The following RBM17 variants were observed in gnomAD, a reference collection of about 807,000 sequenced individuals.
RBM17 encodes RNA binding motif protein 17.
A neutral mutation model predicts 53.2 loss-of-function variants in RBM17; 7 were observed. The observed-to-expected ratio is 0.13, with a 90% CI of 0.07 to 0.25. The LOEUF is 0.25. Among genes scored for constraint, RBM17 ranks in the 10% least tolerant of loss-of-function variants. RBM17 has a pLI of 1.00. For missense variants in RBM17, 257 were observed against 496.7 expected (o/e 0.52, Z 4.59); for synonymous variants, 167 against 178.1 (o/e 0.94, Z 0.50).
At chr10:6,105,229 A>T (rs1840730869) in intron 4 of RBM17, 132 bp downstream of exon 4, 1 of 780,222 alleles carries the variant, frequency 1.3e-6, no homozygotes. Flanking sequence ...ACTACAAGGA[A>T]TCAAACTGTT....
In RBM17 at chr10:6,112,270, G is replaced by A; in HGVS notation, c.765G>A (p.Gly255=). The change falls in exon 8 of 12, where the codon GGG becomes GGA. Residue 255 remains glycine, a synonymous_variant. Coordinates refer to ENST00000379888, the MANE Select transcript of RBM17 (RefSeq NM_032905.5). This position sits in a 1 kb window ranked among gnomAD's most constrained non-coding sequence, Gnocchi z 4.4. ...KYGFREGQGL[G]KHEQGLSTAL... Reference sequence around the variant, plus strand: ...GCTTCCGGGAGGGCCAGGGTCTGGGGAAGCATGAGCAGGGCCTGAGCACTG... The same window carrying A: ...GCTTCCGGGAGGGCCAGGGTCTGGGAAAGCATGAGCAGGGCCTGAGCACTG... 1 of 1,613,904 alleles carries A rather than the reference G, an allele frequency of 6.2e-7. No homozygotes were observed. Among genetic ancestry groups the A allele is most frequent in the Non-Finnish European group, 8.5e-7 (1 of 1,180,022 alleles).
At chr10:6,098,586 T>C (rs1840619641) in intron 2 of RBM17, among the ~76,000 whole-genome samples, 1 of 104,956 alleles carries the variant, frequency 9.5e-6, no homozygotes, top group Non-Finnish European at 2.0e-5. Flanking sequence ...TTTTTTTTTT[T>C]TTTTTTTGAG....
At chr10:6,098,565 T>G (rs11256713) in intron 2 of RBM17, among the ~76,000 whole-genome samples, 563 of 9,996 alleles carry the variant, frequency 0.056, 14 homozygotes, top group Middle Eastern at 0.2. Context: ...GGTTTTTTGT[T>G]TTTTTTTTTT....
chr10:6,114,118 G>T lies in RBM17; in HGVS notation c.1000G>T (p.Gly334Cys). 6.2e-7 allele frequency: 1 copy of T among 1,611,650 alleles called. No homozygotes were observed. The highest frequency in any genetic ancestry group is 1.1e-5 in the South Asian group (1 of 90,912). Residue 334 changes from glycine to cysteine, a missense_variant, in exon 10 of 12, where the codon GGC (glycine) becomes TGC (cysteine). Gly to Cys is a radical substitution (Grantham distance 159, BLOSUM62 -3). Around this residue, in one of 6 missense-constraint regions of RBM17, gnomAD observed 49 missense variants for 114.8 expected, o/e 0.43. Coordinates refer to ENST00000379888, the MANE Select transcript of RBM17 (RefSeq NM_032905.5). ...VETKEECEKY[G>C]KVGKCVIFEI... ...AACCAAGGAAGAATGTGAAAAATAT[G>T]GCAAAGTTGGAAAATGTGTGATATT...
At chr10:6,110,548 G>T (rs1277258507) in intron 7 of RBM17, among the ~76,000 whole-genome samples, 2 of 152,162 alleles carry the variant, frequency 1.3e-5, no homozygotes, top group Non-Finnish European at 2.9e-5. Context: ...AAAACTCGGG[G>T]TCATTCTAAC....
intron 1 of RBM17, among the ~76,000 whole-genome samples, chr10:6,095,591 A>G (rs1564565312): frequency 6.6e-6 from 1 of 152,174 alleles, no homozygotes; most frequent in Admixed American, 6.5e-5. Context: ...CTGCTTCTCT[A>G]CGGCCTTGCG....
intron 3 of RBM17, among the ~76,000 whole-genome samples, chr10:6,102,525 C>T (rs41295151): frequency 0.13 from 19,797 of 152,088 alleles, 1,555 homozygotes; most frequent in African/African-American, 0.21. Context: ...TGAGCATTTT[C>T]CCCCATAAAT....
At chr10:6,113,637 C>A in intron 9 of RBM17, 56 bp downstream of exon 9, 1 of 1,129,922 alleles carries the variant, frequency 8.9e-7, no homozygotes, top group Non-Finnish European at 1.3e-6. Context: ...TGTGTCACCC[C>A]AGCCTACCCT....
chr10:6,098,601 A>C (rs1488092825), intron 2 of RBM17, among the ~76,000 whole-genome samples: 2 of 74,780 alleles, frequency 2.7e-5, no homozygotes, highest in Admixed American at 2.4e-4. Context: ...TTTGAGACGT[A>C]GTCTCACTTT....
chr10:6,092,908 CTT>C (rs1367177155), intron 1 of RBM17, among the ~76,000 whole-genome samples: 4 of 152,218 alleles, frequency 2.6e-5, no homozygotes, highest in Admixed American at 6.5e-5. Context: ...ATTTCTGAAA[CTT>C]TTGCGCAATG....
chr10:6,096,613 A>G (rs906226266), intron 1 of RBM17, among the ~76,000 whole-genome samples: 1 of 152,106 alleles, frequency 6.6e-6, no homozygotes, highest in Non-Finnish European at 1.5e-5. Context: ...TTTCCCTAGG[A>G]GTACGTTTAA....
intron 10 of RBM17, chr10:6,114,728 T>A (rs1275233094): frequency 1.3e-5 from 2 of 158,666 alleles, no homozygotes; most frequent in African/African-American, 4.8e-5. Context: ...GTATTCTGAT[T>A]GGGATAATGG....
chr10:6,109,720 G>A (rs947738989), intron 6 of RBM17, among the ~76,000 whole-genome samples: 2 of 152,134 alleles, frequency 1.3e-5, no homozygotes, highest in African/African-American at 2.4e-5. Context: ...ATTTTAAAGG[G>A]TGAATAACAT....
chr10:6,110,094 C>T lies in RBM17; in HGVS notation c.671C>T (p.Thr224Ile), dbSNP rs376906335. ...YEEQDRPRSPTGPSNSFLANM... is the reference protein window; with the variant it reads ...YEEQDRPRSPIGPSNSFLANM... ...GAACAAGACAGACCGAGATCTCCAA[C>T]CGGACCTAGCAACTCCTTCCTCGCT... The change falls in exon 7 of 12, where the codon ACC (threonine) becomes ATC (isoleucine). Residue 224 changes from threonine (T) to isoleucine (I), a missense_variant. By Grantham distance (89) the Thr-to-Ile change is moderately conservative. Around this residue, in one of 6 missense-constraint regions of RBM17, gnomAD observed 68 missense variants for 60.0 expected, o/e 1.13. Coordinates refer to ENST00000379888, the MANE Select transcript of RBM17 (RefSeq NM_032905.5). The T allele has an allele frequency of 1.5e-5, 24 of 1,610,954 alleles. No homozygotes were observed. The highest frequency in any genetic ancestry group is 1.9e-5 in the Non-Finnish European group (22 of 1,178,480).
intron 2 of RBM17, among the ~76,000 whole-genome samples, chr10:6,098,056 A>AAT (rs1840602915): frequency 6.6e-6 from 1 of 151,606 alleles, no homozygotes. Flanking sequence ...CCTTGAAATA[A>AAT]CATGTAAAAC....
intron 6 of RBM17, among the ~76,000 whole-genome samples, 165 bp from the exon 7 acceptor site, chr10:6,109,821 T>TA (rs1340129106): frequency 5.3e-5 from 8 of 152,186 alleles, no homozygotes; most frequent in Admixed American, 1.3e-4. Context: ...TCTGTGGTTT[T>TA]AAAAAAAGTC....
rs1840858285 is a variant in RBM17, at chr10:6,112,659, C to T, written c.856+298C>T. On this transcript the variant is annotated intron_variant, in intron 8 of 11. Transcript: ENST00000379888. This position sits in a 1 kb window ranked among gnomAD's most constrained non-coding sequence, Gnocchi z 4.4. The stretch of plus-strand genomic sequence containing the variant: ...GAGACTTGGGCAGAAAATGAGTAGT[C>T]CTCAGGAAGAAATCTTGGTTATGTG... The T allele has an allele frequency of 2.9e-5, 12 of 417,778 alleles. No homozygotes were observed. The highest frequency in any genetic ancestry group is 2.3e-5 in the Non-Finnish European group (5 of 221,666). 25.9% of individuals were successfully genotyped at this position (417,778 alleles called of 1,614,324 possible).
chr10:6,113,463 T>C (rs370885790), intron 8 of RBM17, 45 bp from the exon 9 acceptor site: 21 of 1,290,860 alleles, frequency 1.6e-5, no homozygotes, highest in South Asian at 1.4e-4. Context: ...TCTAATGATA[T>C]GCTGCTCAGT....
intron 6 of RBM17, among the ~76,000 whole-genome samples, chr10:6,109,508 T>A (rs187032356): frequency 6.6e-6 from 1 of 152,326 alleles, no homozygotes; most frequent in Admixed American, 6.5e-5. Flanking sequence ...TCCTACTGAC[T>A]TTCATCTAAC....
Sources: allele counts gnomAD v4.1 joint callset (sites outside exome capture counted in the v4.1 genomes callset), GRCh38; gene constraint gnomAD v4.1.1; regional missense constraint gnomAD v4.1.1; non-coding constraint Gnocchi (gnomAD v3.1); transcripts MANE v1.5; gene names NCBI Gene and HGNC (gene_info 2026-07-23, HGNC 2026-07-21).